LMNB2: variants seen among roughly 807,000 people sequenced by gnomAD.
LMNB2 encodes lamin-B2.
LMNB2 carries 17 observed loss-of-function variants against 69.3 expected under a neutral mutation model. The ratio of observed to expected loss-of-function variants is 0.25; its 90% CI spans 0.17 to 0.37. LMNB2 has a LOEUF of 0.37. LMNB2 is among the 10% of genes least tolerant of loss of function. The pLI, the probability that LMNB2 is intolerant of heterozygous loss-of-function variation, is 1.00. For synonymous variants in LMNB2, 397 were observed against 389.3 expected, an observed-to-expected ratio of 1.02 and a Z score of -0.23; for missense variants, 789 against 883.6, an observed-to-expected ratio of 0.89 and a Z score of 1.36.
chr19:2,448,170 C>G (rs905150592), intron 1 of LMNB2, among the ~76,000 whole-genome samples: 25 of 152,194 alleles, frequency 1.6e-4, no homozygotes, highest in African/African-American at 5.5e-4. Flanking sequence ...GTCCTGGGAA[C>G]AGACTTCTAG....
intron 2 of LMNB2, among the ~76,000 whole-genome samples, chr19:2,441,286 G>A (rs1055410759): frequency 1.3e-5 from 2 of 152,258 alleles, no homozygotes; most frequent in Admixed American, 6.5e-5. Flanking sequence ...GCGGCCAGCC[G>A]CTCTGGCGCT....
At chr19:2,455,987 G>C (rs1419757095) in intron 1 of LMNB2, among the ~76,000 whole-genome samples, 1 of 151,090 alleles carries the variant, frequency 6.6e-6, no homozygotes, top group Non-Finnish European at 1.5e-5. Flanking sequence ...CCCTGCCCAG[G>C]GTCCCCGCGA....
intron 6 of LMNB2, 50 bp downstream of exon 6, chr19:2,434,738 C>A (rs1229009457): frequency 6.4e-7 from 1 of 1,571,802 alleles, no homozygotes; most frequent in East Asian, 2.3e-5. Context: ...CAGGGCAGGG[C>A]CCAGAAGTTG....
At chr19:2,435,207 C>G in intron 4 of LMNB2, 36 bp from the exon 5 acceptor site, 1 of 1,596,300 alleles carries the variant, frequency 6.3e-7, no homozygotes, top group Non-Finnish European at 8.5e-7. Flanking sequence ...CTGGTCCCGC[C>G]TGGGCCCCAA....
chr19:2,440,030 T>TC (rs562843253), intron 2 of LMNB2, among the ~76,000 whole-genome samples: 100 of 151,720 alleles, frequency 6.6e-4, no homozygotes, highest in African/African-American at 2.4e-3. Flanking sequence ...CTGCGCCTGG[T>TC]CCCCCAGGGC....
intron 4 of LMNB2, 41 bp downstream of exon 4, chr19:2,438,122 G>A (rs758487327): frequency 9.3e-6 from 15 of 1,611,346 alleles, no homozygotes; most frequent in Non-Finnish European, 1.2e-5. Flanking sequence ...TGGACTTTGC[G>A]TTTCCGCTGT....
In LMNB2 at chr19:2,432,391, C is replaced by T. The variant is rs1189120448; in HGVS notation, c.1590+25G>A. The T allele has an allele frequency of 3.8e-6, 6 of 1,598,384 alleles. No homozygotes were observed. In the South Asian group the frequency reaches 4.4e-5, roughly 12 times the overall value. On this transcript the variant is annotated intron_variant, in intron 9 of 11. Transcript: ENST00000325327. ...ACCTCACACCCCATCCGTGGCCACCCTCGCCCTCCTGCCCCACCACCTACC... is the reference window on the plus strand; with the variant it reads ...ACCTCACACCCCATCCGTGGCCACCTTCGCCCTCCTGCCCCACCACCTACC...
intron 11 of LMNB2, 125 bp downstream of exon 11, chr19:2,431,423 T>A: frequency 7.9e-7 from 1 of 1,268,312 alleles, no homozygotes; most frequent in South Asian, 1.2e-5. Context: ...GGCTTCACCC[T>A]GAGCCACGGC....
At position 2,444,464 on chromosome 19, in the gene LMNB2, C is replaced by G; in HGVS notation, c.341G>C (p.Arg114Pro). 6.2e-7 allele frequency: 1 copy of G among 1,613,664 alleles called. No individual in the cohort carries two copies. The highest frequency in any genetic ancestry group is 8.5e-7 in the Non-Finnish European group (1 of 1,180,032). The change falls in exon 2 of 12, where the codon CGT becomes CCT. Residue 114 changes from arginine (R) to proline (P), a missense_variant. Transcript: ENST00000325327. ...RRVLDETARE[R>P]ARLQIEIGKL... ...CCCAATCTCTATCTGCAGCCGGGCA[C>G]GCTCTCGAGCCGTCTCATCCAGGAC...
chr19:2,430,999 G>A lies in LMNB2; in HGVS notation c.1822-47C>T, dbSNP rs1219905587. 9 of 1,345,028 alleles carry A rather than the reference G, an allele frequency of 6.7e-6. No homozygotes were observed. The Admixed American group carries it at 1.2e-4, about 18-fold the overall frequency. 83.3% of individuals were successfully genotyped at this position (1,345,028 alleles called of 1,614,324 possible). On this transcript the variant is annotated intron_variant, in intron 11 of 11. Coordinates refer to ENST00000325327, the MANE Select transcript of LMNB2 (RefSeq NM_032737.4). ...GGTCGGCCATGATCAGGGCCAGCCT[G>A]GAGGCAGCCGGCAGGTAGATGGCTG...
chr19:2,435,004 G>T lies in LMNB2; in HGVS notation c.852C>A (p.Ala284=). Residue 284 remains alanine, a synonymous_variant, in exon 5 of 12, where the codon GCC becomes GCA. Transcript: ENST00000325327. ...CCCACCCGCCTGCCGGCCACACCTTGGCCTGGTAGGTCTGCTCCAGCTCCA... is the reference window on the plus strand; with the variant it reads ...CCCACCCGCCTGCCGGCCACACCTTTGCCTGGTAGGTCTGCTCCAGCTCCA... ...YKLELEQTYQ[A]KLDSAKLSSD... 3 of 1,507,398 alleles carry T rather than the reference G, an allele frequency of 2.0e-6. No individual in the cohort carries two copies. Among genetic ancestry groups the T allele is most frequent in the Non-Finnish European group, 1.8e-6 (2 of 1,110,992 alleles). The allele number at this position is 1,507,398 out of a possible 1,614,324, so 93.4% of individuals were successfully genotyped here.
chr19:2,456,402 G>T (rs1017872239), intron 1 of LMNB2, among the ~76,000 whole-genome samples: 5 of 139,964 alleles, frequency 3.6e-5, no homozygotes, highest in Admixed American at 2.9e-4. Context: ...GCTCACTCAG[G>T]GGCCCCTCGA....
chr19:2,432,112 T>C (rs1345136209), intron 9 of LMNB2, among the ~76,000 whole-genome samples: 1 of 152,112 alleles, frequency 6.6e-6, no homozygotes, highest in Non-Finnish European at 1.5e-5. Context: ...AAGCAGGGGC[T>C]GAACTGGGAT....
At chr19:2,455,783 C>A (rs1313583518) in intron 1 of LMNB2, among the ~76,000 whole-genome samples, 2 of 151,976 alleles carry the variant, frequency 1.3e-5, no homozygotes, top group Admixed American at 6.5e-5. Context: ...TGGGCAGGGC[C>A]TGCCCAGGTG....
Position 2,435,633 on chromosome 19 carries a change from C to T in LMNB2, c.685-462G>A, listed in dbSNP as rs1163803749. ...GTGGTTGCACAACCCTGTGGAGATC[C>T]TGCCAATGCTGAACTGTACACTTTA... is the stretch of plus-strand genomic sequence containing the variant. On this transcript the variant is annotated intron_variant, in intron 4 of 11. Coordinates refer to ENST00000325327, the MANE Select transcript of LMNB2 (RefSeq NM_032737.4). Among the ~76,000 whole-genome samples the T allele has an allele frequency of 2.0e-5, 3 of 152,036 alleles. No individual in the cohort carries two copies. In the East Asian group the frequency reaches 5.8e-4, roughly 29 times the overall value.
At chr19:2,452,448 C>T (rs1327334874) in intron 1 of LMNB2, among the ~76,000 whole-genome samples, 1 of 139,724 alleles carries the variant, frequency 7.2e-6, no homozygotes, top group African/African-American at 2.7e-5. Flanking sequence ...AAAAAAAAGG[C>T]CAGGCATACT....
rs190972573 is a variant in LMNB2 at position 2,443,974 on chromosome 19, G to A, written c.401+430C>T. On this transcript the variant is annotated intron_variant, in intron 2 of 11. Coordinates refer to ENST00000325327, the MANE Select transcript of LMNB2 (RefSeq NM_032737.4). This position sits in a 1 kb window ranked among gnomAD's most constrained non-coding sequence, Gnocchi z 6.2. ...ACACACCCGAGCGTCCCAACAGCTGGGACAAAACCCCGGCACCAAGAACAT... is the reference window on the plus strand; with the variant it reads ...ACACACCCGAGCGTCCCAACAGCTGAGACAAAACCCCGGCACCAAGAACAT... 6.6e-6 allele frequency among the ~76,000 whole-genome samples: 1 copy of A among 152,146 alleles called. No homozygotes were observed. Among genetic ancestry groups the A allele is most frequent in the African/African-American group, 2.4e-5 (1 of 41,498 alleles).
chr19:2,439,280 G>A (rs946016304), intron 2 of LMNB2, among the ~76,000 whole-genome samples: 1 of 152,098 alleles, frequency 6.6e-6, no homozygotes, highest in East Asian at 1.9e-4. Flanking sequence ...GAAACAGTGA[G>A]GACACCCAGG....
chr19:2,451,726 G>C (rs1972024197), intron 1 of LMNB2, among the ~76,000 whole-genome samples: 1 of 152,196 alleles, frequency 6.6e-6, no homozygotes, highest in Non-Finnish European at 1.5e-5. Context: ...GCCTTTGCCT[G>C]GGACCCCTCG....
Sources: gnomAD v4.1 joint callset for allele counts (sites outside exome capture counted in the v4.1 genomes callset) on GRCh38, gnomAD v4.1.1 for gene constraint, Gnocchi (gnomAD v3.1) non-coding constraint, MANE v1.5 for transcripts, NCBI Gene and HGNC (gene_info 2026-07-23, HGNC 2026-07-21) for gene names.